The following DPF3 variants were observed in gnomAD, a reference collection of about 807,000 sequenced individuals.
DPF3 encodes the protein zinc finger protein DPF3.
A neutral mutation model predicts 56.8 loss-of-function variants in DPF3; 18 were observed. That is an observed-to-expected ratio of 0.32 (90% CI 0.22 to 0.47). The LOEUF (loss-of-function observed/expected upper bound fraction) is 0.47, where lower values mean the gene tolerates loss of function less well. Among genes scored for constraint, DPF3 ranks in the 20% least tolerant of loss-of-function variants. The pLI is 1.00. For synonymous variants in DPF3, 188 were observed against 180.2 expected (o/e 1.04, Z -0.35); for missense variants, 403 against 488.8 (o/e 0.82, Z 1.65).
intron 1 of DPF3, among the ~76,000 whole-genome samples, chr14:72,873,437 G>A (rs1362024926): frequency 6.6e-6 from 1 of 152,186 alleles, no homozygotes. Context: ...GTGCTGGAGA[G>A]GATGTGGAGA....
Position 72,730,198 on chromosome 14 carries a change from G to A in DPF3, c.429+1609C>T, listed in dbSNP as rs370192385. On this transcript the variant is annotated intron_variant, in intron 4 of 10. Transcript: ENST00000556509. ...GGGCCAGGGTAGCAGTGGTGGGTGCGGGGAGAGGGGATGCGGGAGAACTGG... is the reference window on the plus strand; with the variant it reads ...GGGCCAGGGTAGCAGTGGTGGGTGCAGGGAGAGGGGATGCGGGAGAACTGG... 3.4e-3 allele frequency among the ~76,000 whole-genome samples: 520 copies of A among 152,032 alleles called. 2 individuals are homozygous for A. Among genetic ancestry groups the A allele is most frequent in the Middle Eastern group, 6.8e-3 (2 of 294 alleles).
intron 8 of DPF3, among the ~76,000 whole-genome samples, chr14:72,634,578 T>A (rs376975740): frequency 1.3e-5 from 2 of 152,280 alleles, no homozygotes; most frequent in South Asian, 4.1e-4. Context: ...TAATTTGTAA[T>A]ACTTATGGTC....
intron 1 of DPF3, among the ~76,000 whole-genome samples, chr14:72,774,666 T>C (rs1161934271): frequency 6.6e-6 from 1 of 152,150 alleles, no homozygotes; most frequent in Non-Finnish European, 1.5e-5. Context: ...TTTGCTCCTT[T>C]TTCACCTCTG....
chr14:72,795,277 C>CAA (rs578053636), intron 1 of DPF3, among the ~76,000 whole-genome samples: 2 of 109,568 alleles, frequency 1.8e-5, no homozygotes, highest in African/African-American at 7.0e-5. Flanking sequence ...CTCTTTTTGA[C>CAA]AAAAAAAAAA....
chr14:72,619,820 G>C, intron 10 of DPF3, 83 bp downstream of exon 10: 3 of 1,286,316 alleles, frequency 2.3e-6, no homozygotes, highest in East Asian at 5.1e-5. Context: ...TTAGCATAAG[G>C]CCTGTACCAT....
intron 1 of DPF3, among the ~76,000 whole-genome samples, chr14:72,831,062 T>A (rs1265142748): frequency 6.6e-6 from 1 of 152,176 alleles, no homozygotes; most frequent in Non-Finnish European, 1.5e-5. Flanking sequence ...TTCAGGCTAC[T>A]GCTGTCCTTC....
Position 72,826,341 on chromosome 14 carries a change from A to G in DPF3, c.33-54448T>C, listed in dbSNP as rs1883800140. Among the ~76,000 whole-genome samples the G allele has an allele frequency of 2.0e-5, 3 of 152,162 alleles. No homozygotes were observed. The South Asian group carries it at 6.2e-4, about 32-fold the overall frequency. ...CTTTGTAATAAAGTTTAACCAATTA[A>G]TCCTCTAGGCTTCCTCCCTGCACTC... is the stretch of plus-strand genomic sequence containing the variant. On this transcript the variant is annotated intron_variant, in intron 1 of 10. Transcript: ENST00000556509.
intron 1 of DPF3, among the ~76,000 whole-genome samples, chr14:72,786,458 T>C (rs1372687280): frequency 6.6e-6 from 1 of 152,184 alleles, no homozygotes; most frequent in Non-Finnish European, 1.5e-5. Context: ...AAATAAAGTT[T>C]TATGGGAGGC....
chr14:72,698,649 G>A (rs11158972), intron 6 of DPF3, among the ~76,000 whole-genome samples: 54,663 of 152,100 alleles, frequency 0.36, 11,958 homozygotes, highest in Non-Finnish European at 0.5. Context: ...ATCACACCAC[G>A]GCACTCTAGC....
At chr14:72,671,192 GACA>G in intron 8 of DPF3, 1 of 1,613,938 alleles carries the variant, frequency 6.2e-7, no homozygotes, top group East Asian at 2.2e-5. Flanking sequence ...CGGCGTCCTC[GACA>G]GGAGCGAGGC....
chr14:72,676,306 C>G (rs993087859), intron 7 of DPF3, among the ~76,000 whole-genome samples: 1 of 152,156 alleles, frequency 6.6e-6, no homozygotes, highest in Non-Finnish European at 1.5e-5. Flanking sequence ...TTCATAAAAA[C>G]TTACAGGGGG....
At chr14:72,849,128 T>C (rs1884871727) in intron 1 of DPF3, among the ~76,000 whole-genome samples, 1 of 152,208 alleles carries the variant, frequency 6.6e-6, no homozygotes, top group Non-Finnish European at 1.5e-5. Context: ...AGCCTAAACT[T>C]ACTCTCTTCA....
chr14:72,848,549 G>A (rs989879408), intron 1 of DPF3, among the ~76,000 whole-genome samples: 1 of 152,190 alleles, frequency 6.6e-6, no homozygotes, highest in African/African-American at 2.4e-5. Flanking sequence ...CCCACAGCTT[G>A]TCTTATTCTA....
intron 8 of DPF3, among the ~76,000 whole-genome samples, chr14:72,665,673 G>A (rs1040621155): frequency 2.6e-5 from 4 of 152,218 alleles, no homozygotes; most frequent in Admixed American, 6.5e-5. Flanking sequence ...TAAAGGACTT[G>A]TAAGAGGACA....
At chr14:72,747,952 A>G (rs1471570965) in intron 3 of DPF3, among the ~76,000 whole-genome samples, 1 of 152,222 alleles carries the variant, frequency 6.6e-6, no homozygotes, top group African/African-American at 2.4e-5. Context: ...CCCAGTCTCA[A>G]GTATGTGTTT....
intron 1 of DPF3, among the ~76,000 whole-genome samples, chr14:72,774,543 T>C (rs1249111548): frequency 6.6e-6 from 1 of 152,128 alleles, no homozygotes; most frequent in Non-Finnish European, 1.5e-5. Context: ...ACAAAGAGCT[T>C]AAAGCAAATA....
At chr14:72,764,523 A>G (rs542022124) in intron 2 of DPF3, among the ~76,000 whole-genome samples, 1 of 102,858 alleles carries the variant, frequency 9.7e-6, no homozygotes, top group Non-Finnish European at 1.7e-5. Flanking sequence ...TTGAGGCGGA[A>G]TGTCGCCCAG....
intron 8 of DPF3, among the ~76,000 whole-genome samples, chr14:72,630,661 G>C: frequency 6.6e-6 from 1 of 152,174 alleles, no homozygotes; most frequent in South Asian, 2.1e-4. Context: ...AGGATAACTT[G>C]GATGACATTC....
chr14:72,658,478 A>G (rs6574089), intron 8 of DPF3, among the ~76,000 whole-genome samples: 9,196 of 152,224 alleles, frequency 0.06, 839 homozygotes, highest in African/African-American at 0.19. Flanking sequence ...AGAAGGGTAA[A>G]AGGAATGTGA....
Sources: allele counts gnomAD v4.1 joint callset (sites outside exome capture counted in the v4.1 genomes callset), GRCh38; gene constraint gnomAD v4.1.1; transcripts MANE v1.5; gene names NCBI Gene and HGNC (gene_info 2026-07-23, HGNC 2026-07-21).